The following ASCC1 variants were observed in gnomAD, a reference collection of about 807,000 sequenced individuals.
ASCC1 encodes activating signal cointegrator 1 complex subunit 1.
Under a neutral mutation model 46.6 loss-of-function variants are expected in ASCC1, and 35 were observed. The ratio of observed to expected loss-of-function variants is 0.75; its 90% CI spans 0.57 to 0.99. The LOEUF is 0.99. ASCC1 is among the 50% of genes least tolerant of loss of function. The pLI is 0.00. For synonymous variants in ASCC1, 143 were observed against 146.6 expected, an observed-to-expected ratio of 0.98 and a Z score of 0.18; for missense variants, 376 against 428.7, an observed-to-expected ratio of 0.88 and a Z score of 1.09.
Position 72,206,109 on chromosome 10 carries a change from C to CA in ASCC1, c.213-2586dup, listed in dbSNP as rs879721509. On this transcript the variant is annotated intron_variant, in intron 3 of 9. Transcript: ENST00000672957. ...ACAGAGCGAGACTCTGTCTCAAAAACAAAAAAAAAAAGAGGCCAGGCATGG... is the reference window on the plus strand; with the variant it reads ...ACAGAGCGAGACTCTGTCTCAAAAACAAAAAAAAAAAAGAGGCCAGGCATGG... 1.6e-3 allele frequency among the ~76,000 whole-genome samples: 178 copies of CA among 109,222 alleles called. 1 individual carries two copies. The highest frequency in any genetic ancestry group is 8.2e-3 in the Middle Eastern group (1 of 122). 71.7% of individuals were successfully genotyped at this position (109,222 alleles called of 152,430 possible).
intron 5 of ASCC1, among the ~76,000 whole-genome samples, chr10:72,186,392 T>C (rs1001943577): frequency 2.0e-5 from 3 of 152,176 alleles, no homozygotes; most frequent in African/African-American, 7.2e-5. Flanking sequence ...AGCAAGGGAA[T>C]GTTGAGATCA....
At chr10:72,215,870 G>A (rs1859145968) in intron 1 of ASCC1, 1 of 152,434 alleles carries the variant, frequency 6.6e-6, no homozygotes, top group Admixed American at 6.5e-5. Flanking sequence ...TCATCAAAGA[G>A]AAGGAGAAGA....
intron 9 of ASCC1, among the ~76,000 whole-genome samples, chr10:72,107,312 C>CAA (rs34189600): frequency 2.9e-4 from 42 of 146,510 alleles, no homozygotes; most frequent in Admixed American, 1.5e-3. Flanking sequence ...ACCCCCCCCC[C>CAA]AAAAAAATAA....
chr10:72,191,765 G>A (rs1393879183), intron 5 of ASCC1, among the ~76,000 whole-genome samples: 1 of 151,832 alleles, frequency 6.6e-6, no homozygotes, highest in African/African-American at 2.4e-5. Flanking sequence ...TCCTGCCTCA[G>A]CCTCCCTAGT....
chr10:72,175,577 T>A (rs1203949231), intron 5 of ASCC1, among the ~76,000 whole-genome samples: 1 of 152,244 alleles, frequency 6.6e-6, no homozygotes, highest in Admixed American at 6.5e-5. Flanking sequence ...CATACATAAT[T>A]ACAAGAAAGT....
At chr10:72,118,493 T>C (rs1359306030) in intron 9 of ASCC1, among the ~76,000 whole-genome samples, 2 of 151,998 alleles carry the variant, frequency 1.3e-5, no homozygotes, top group Non-Finnish European at 2.9e-5. Context: ...AATAATACAC[T>C]TTCTGGCTGG....
chr10:72,199,228 A>C (rs1856111731), intron 4 of ASCC1, among the ~76,000 whole-genome samples: 1 of 151,388 alleles, frequency 6.6e-6, no homozygotes, highest in Non-Finnish European at 1.5e-5. Flanking sequence ...GGTTCAAACA[A>C]TTCTCCTGCC....
Position 72,128,133 on chromosome 10 carries a change from G to T in ASCC1, c.906C>A (p.Gly302=), listed in dbSNP as rs553914929. 13 of 1,613,798 alleles carry T rather than the reference G, an allele frequency of 8.1e-6. No individual in the cohort carries two copies. The East Asian group carries it at 2.7e-4, about 33-fold the overall frequency. The change falls in exon 9 of 10, where the codon GGC becomes GGA. Residue 302 remains glycine (G), a synonymous_variant. Transcript: ENST00000672957. ...ATTCTCTTTCCTTGAAGATATATTT[G>T]CCTTCCGCTGTGTAGAGATTGTACC... The part of the protein sequence containing the change: ...EGRYNLYTAE[G]KYIFKERESF...
chr10:72,133,016 C>T (rs769419047), intron 8 of ASCC1, 41 bp downstream of exon 8: 16 of 1,613,490 alleles, frequency 9.9e-6, no homozygotes, highest in Admixed American at 1.7e-5. Context: ...GCCACAAGGC[C>T]GCTGATCACA....
intron 9 of ASCC1, among the ~76,000 whole-genome samples, chr10:72,115,640 T>G (rs1220350125): frequency 6.6e-6 from 1 of 152,128 alleles, no homozygotes; most frequent in African/African-American, 2.4e-5. Flanking sequence ...GTGCAGATAC[T>G]GGGGAAAAAG....
At chr10:72,130,500 C>T (rs1165306608) in intron 8 of ASCC1, among the ~76,000 whole-genome samples, 1 of 152,120 alleles carries the variant, frequency 6.6e-6, no homozygotes, top group Non-Finnish European at 1.5e-5. Context: ...TGAATATAAA[C>T]CTGGATCCAC....
intron 9 of ASCC1, among the ~76,000 whole-genome samples, chr10:72,106,169 A>G (rs570639331): frequency 6.6e-6 from 1 of 152,310 alleles, no homozygotes; most frequent in Admixed American, 6.5e-5. Flanking sequence ...TGCTGTCTCA[A>G]TACTACTTGA....
chr10:72,141,522 C>T (rs935146663), intron 7 of ASCC1, among the ~76,000 whole-genome samples: 3 of 152,088 alleles, frequency 2.0e-5, no homozygotes. Flanking sequence ...CAGGGAAAAT[C>T]AGCAAAGTCT....
intron 8 of ASCC1, among the ~76,000 whole-genome samples, chr10:72,130,290 T>C (rs1845436094): frequency 6.6e-6 from 1 of 152,144 alleles, no homozygotes; most frequent in African/African-American, 2.4e-5. Context: ...ATGAAAATGT[T>C]CTAGAACTGA....
chr10:72,195,124 T>C (rs1855167865), intron 5 of ASCC1, among the ~76,000 whole-genome samples: 1 of 148,422 alleles, frequency 6.7e-6, no homozygotes, highest in African/African-American at 2.5e-5. Flanking sequence ...TTAGGTTTTG[T>C]GTGTTTTTTG....
chr10:72,142,103 G>A (rs901333192), intron 7 of ASCC1, among the ~76,000 whole-genome samples: 3 of 152,052 alleles, frequency 2.0e-5, no homozygotes, highest in African/African-American at 7.2e-5. Flanking sequence ...TATGATTGTT[G>A]ATTTAAAATA....
At chr10:72,210,253 A>AGGTTCAAG in intron 3 of ASCC1, among the ~76,000 whole-genome samples, 1 of 149,038 alleles carries the variant, frequency 6.7e-6, no homozygotes, top group East Asian at 2.0e-4. Flanking sequence ...TCTGCCTCCC[A>AGGTTCAAG]GGTTCAAGTG....
intron 9 of ASCC1, among the ~76,000 whole-genome samples, chr10:72,111,759 A>G (rs1241467343): frequency 6.6e-6 from 1 of 151,942 alleles, no homozygotes; most frequent in African/African-American, 2.4e-5. Context: ...CTCCTGCCTC[A>G]GCCTCCCGAG....
intron 5 of ASCC1, among the ~76,000 whole-genome samples, chr10:72,187,361 T>A (rs1489174859): frequency 2.0e-5 from 3 of 149,470 alleles, no homozygotes; most frequent in Non-Finnish European, 4.5e-5. Context: ...CCCAGCACTT[T>A]GGGAGGCCGA....
Sources: gnomAD v4.1 joint callset for allele counts (sites outside exome capture counted in the v4.1 genomes callset) on GRCh38, gnomAD v4.1.1 for gene constraint, MANE v1.5 for transcripts, NCBI Gene and HGNC (gene_info 2026-07-23, HGNC 2026-07-21) for gene names.